STOX2: variants seen among roughly 807,000 people sequenced by gnomAD.
The protein encoded by STOX2 is storkhead box 2, also known as storkhead-box protein 2.
A neutral mutation model predicts 60.9 loss-of-function variants in STOX2; 28 were observed. The observed-to-expected ratio is 0.46, with a 90% CI of 0.34 to 0.63. The LOEUF is 0.63. Among genes scored for constraint, STOX2 ranks in the 30% least tolerant of loss-of-function variants. The pLI, the probability that STOX2 is intolerant of heterozygous loss-of-function variation, is 0.01. For synonymous variants in STOX2, 472 were observed against 463.9 expected (o/e 1.02, Z -0.22); for missense variants, 1,024 against 1,187.7 (o/e 0.86, Z 2.03).
chr4:183,875,436 A>G (rs562571407), intron 1 of STOX2, among the ~76,000 whole-genome samples: 53 of 151,968 alleles, frequency 3.5e-4, no homozygotes, highest in African/African-American at 1.3e-3. Flanking sequence ...TTCTAGGGAG[A>G]GTCTGTGTTT....
chr4:183,985,961 C>T (rs534298594), intron 1 of STOX2, among the ~76,000 whole-genome samples: 10 of 152,196 alleles, frequency 6.6e-5, no homozygotes, highest in African/African-American at 2.4e-4. Flanking sequence ...AACAACACAG[C>T]CAGACTTAAA....
chr4:183,928,922 G>A (rs111839979), intron 1 of STOX2, among the ~76,000 whole-genome samples: 6 of 152,024 alleles, frequency 3.9e-5, no homozygotes, highest in African/African-American at 7.2e-5. Flanking sequence ...AGAAAATGAC[G>A]ATGTCTGAGA....
chr4:183,801,063 C>A (rs1477914385), intron 1 of STOX2, among the ~76,000 whole-genome samples: 1 of 152,206 alleles, frequency 6.6e-6, no homozygotes, highest in Non-Finnish European at 1.5e-5. Context: ...ATTTTGGTGC[C>A]TGTAATTCCA....
chr4:184,011,814 T>C lies in STOX2; in HGVS notation c.2585+391T>C, dbSNP rs574514621. ...ATAGTCTGGGGGCGGGGGAGGAAGATAGGGGTTGGGAGTAAACTGATTGAT... is the reference window on the plus strand; with the variant it reads ...ATAGTCTGGGGGCGGGGGAGGAAGACAGGGGTTGGGAGTAAACTGATTGAT... On this transcript the variant is annotated intron_variant, in intron 3 of 3. Transcript: ENST00000308497. This position sits in a 1 kb window ranked among gnomAD's most constrained non-coding sequence, Gnocchi z 4.4. Among the ~76,000 whole-genome samples, 19 of 152,158 alleles carry C rather than the reference T, an allele frequency of 1.2e-4. No homozygotes were observed. The highest frequency in any genetic ancestry group is 4.6e-4 in the African/African-American group (19 of 41,522).
chr4:183,991,432 AT>A lies in STOX2; in HGVS notation c.167-9878del, dbSNP rs11388760. 2.9e-3 allele frequency among the ~76,000 whole-genome samples: 420 copies of A among 146,524 alleles called. 1 individual carries two copies. Among genetic ancestry groups the A allele is most frequent in the Admixed American group, 3.6e-3 (52 of 14,634 alleles). On this transcript the variant is annotated intron_variant, in intron 1 of 3. Coordinates refer to ENST00000308497, the MANE Select transcript of STOX2 (RefSeq NM_020225.3). ...TAAATCTAGATGGGCTTGAGGAAGA[AT>A]TTTTTTTTTTTTTTGACGGAGTCTT...
At chr4:183,901,897 G>T (rs937162320), upstream of STOX2, among the ~76,000 whole-genome samples, 5 of 152,176 alleles carry the variant, frequency 3.3e-5, no homozygotes, top group Middle Eastern at 3.4e-3. Flanking sequence ...TCTTTTCTCT[G>T]TTGACAGTGT....
intron 1 of STOX2, among the ~76,000 whole-genome samples, chr4:183,945,881 A>C (rs1742872875): frequency 6.6e-6 from 1 of 152,180 alleles, no homozygotes; most frequent in African/African-American, 2.4e-5. Context: ...CCTCCTTTAG[A>C]ATATATTTCT....
intron 1 of STOX2, among the ~76,000 whole-genome samples, chr4:183,911,229 C>A (rs151176639): frequency 5.3e-5 from 8 of 152,226 alleles, no homozygotes; most frequent in African/African-American, 1.7e-4. Flanking sequence ...GCTCATTTTG[C>A]GATACAATCC....
intron 1 of STOX2, among the ~76,000 whole-genome samples, chr4:183,828,512 T>C (rs1416952215): frequency 1.3e-5 from 2 of 151,812 alleles, no homozygotes; most frequent in Non-Finnish European, 2.9e-5. Context: ...CCCCCCTTTA[T>C]AAAAAAAATG....
intron 1 of STOX2, among the ~76,000 whole-genome samples, chr4:183,994,646 C>T (rs1316877705): frequency 6.6e-6 from 1 of 152,210 alleles, no homozygotes; most frequent in African/African-American, 2.4e-5. Flanking sequence ...TCCAAACTCT[C>T]ATTTTACAGA....
chr4:183,847,285 G>A (rs9884897), intron 1 of STOX2, among the ~76,000 whole-genome samples: 3,784 of 152,192 alleles, frequency 0.025, 164 homozygotes, highest in African/African-American at 0.087. Context: ...AGGATTACAT[G>A]GGAACTTTTC....
At chr4:183,973,067 G>GA (rs11335791) in intron 1 of STOX2, among the ~76,000 whole-genome samples, 28 of 149,916 alleles carry the variant, frequency 1.9e-4, no homozygotes, top group Admixed American at 4.6e-4. Context: ...GAAAAAGATT[G>GA]AAAAAAAAAT....
rs181680044 is a variant in STOX2 at position 183,807,087 on chromosome 4, T to C, written c.364+9032T>C. On this transcript the variant is annotated intron_variant, in intron 1 of 2. Transcript: ENST00000513034. ...TCCCGGGTTCACGCCATTCTCCTGC[T>C]TCAGCCTCCCGAGTAGCTGGGACTG... is the stretch of plus-strand genomic sequence containing the variant. Among the ~76,000 whole-genome samples, 539 of 152,166 alleles carry C rather than the reference T, an allele frequency of 3.5e-3. 9 individuals carry two copies. Among genetic ancestry groups the C allele is most frequent in the South Asian group, 0.032 (156 of 4,802 alleles).
At chr4:183,988,531 C>T (rs1358822194) in intron 1 of STOX2, 1 of 152,036 alleles carries the variant, frequency 6.6e-6, no homozygotes, top group African/African-American at 2.4e-5. Flanking sequence ...TATCTCAAGC[C>T]CTGAATTGTA....
chr4:184,004,416 G>A (rs574097866), intron 2 of STOX2, among the ~76,000 whole-genome samples: 6 of 152,166 alleles, frequency 3.9e-5, no homozygotes, highest in South Asian at 2.1e-4. Context: ...TGGTTAACAC[G>A]GTGAAACCCC....
In STOX2 at chr4:183,836,665, C is replaced by A. The variant is rs1168677964; in HGVS notation, c.364+38610C>A. On this transcript the variant is annotated intron_variant, in intron 1 of 2. Transcript: ENST00000513034. This position sits in a 1 kb window ranked among gnomAD's most constrained non-coding sequence, Gnocchi z 4.1. ...GGGGTGACCTGGTATTAGTGAGCATCAGCAGTGTCCATCGCAGTCACCGTC... is the reference window on the plus strand; with the variant it reads ...GGGGTGACCTGGTATTAGTGAGCATAAGCAGTGTCCATCGCAGTCACCGTC... Among the ~76,000 whole-genome samples, 1 of 152,162 alleles carries A rather than the reference C, an allele frequency of 6.6e-6. No homozygotes were observed. The highest frequency in any genetic ancestry group is 1.5e-5 in the Non-Finnish European group (1 of 68,030).
At chr4:183,798,459 T>C (rs925190089) in intron 1 of STOX2, among the ~76,000 whole-genome samples, 4 of 151,720 alleles carry the variant, frequency 2.6e-5, no homozygotes, top group African/African-American at 9.7e-5. Context: ...CGGGGAGGAT[T>C]CCGGGGCTCG....
At chr4:184,006,726 T>C (rs1211411440) in intron 2 of STOX2, among the ~76,000 whole-genome samples, 1 of 148,554 alleles carries the variant, frequency 6.7e-6, no homozygotes, top group Non-Finnish European at 1.5e-5. Flanking sequence ...AAAAATTCAT[T>C]TCTATTTTGT....
In STOX2 at chr4:183,999,249, C is replaced by T. The variant is rs997137573; in HGVS notation, c.167-2076C>T. On this transcript the variant is annotated intron_variant, in intron 1 of 3. Transcript: ENST00000308497. ...TTTTGAGTTACCAATACGAACTGAGCTTCACCAGCCAATGAATGAAACTCA... is the reference window on the plus strand; with the variant it reads ...TTTTGAGTTACCAATACGAACTGAGTTTCACCAGCCAATGAATGAAACTCA... Among the ~76,000 whole-genome samples the T allele has an allele frequency of 5.3e-5, 8 of 152,156 alleles. 1 individual carries two copies. The highest frequency in any genetic ancestry group is 1.9e-4 in the African/African-American group (8 of 41,424).
Sources: gnomAD v4.1 joint callset for allele counts (sites outside exome capture counted in the v4.1 genomes callset) on GRCh38, gnomAD v4.1.1 for gene constraint, Gnocchi (gnomAD v3.1) non-coding constraint, MANE v1.5 for transcripts, NCBI Gene and HGNC (gene_info 2026-07-23, HGNC 2026-07-21) for gene names.